Variants in TCF20 observed in about 807,000 individuals in gnomAD.
The protein encoded by TCF20 is SPRE-binding protein.
TCF20 carries 3 observed loss-of-function variants against 148.6 expected under a neutral mutation model. The observed-to-expected ratio is 0.02, with a 90% CI of 0.01 to 0.05. The LOEUF is 0.05. Among genes scored for constraint, TCF20 ranks in the 10% least tolerant of loss-of-function variants. The probability of loss-of-function intolerance (pLI) is 1.00; values close to 1 mark genes in which losing one functional copy is unlikely to be tolerated. For synonymous variants in TCF20, 1,049 were observed against 909.5 expected (o/e 1.15, Z -2.76); for missense variants, 2,350 against 2,429.3 (o/e 0.97, Z 0.69).
intron 1 of TCF20, among the ~76,000 whole-genome samples, chr22:42,295,203 A>G (rs563184237): frequency 1.2e-4 from 19 of 152,308 alleles, no homozygotes; most frequent in Non-Finnish European, 2.6e-4. Context: ...GAGAGAAGAC[A>G]GTAACATTTG....
At chr22:42,276,419 G>A (rs1926780493) in intron 1 of TCF20, 1 of 152,198 alleles carries the variant, frequency 6.6e-6, no homozygotes, top group Admixed American at 6.5e-5. Flanking sequence ...GCTAAGTGGT[G>A]GTGCTGGGAT....
chr22:42,324,986 C>A (rs887124503), intron 1 of TCF20, among the ~76,000 whole-genome samples: 2 of 152,234 alleles, frequency 1.3e-5, no homozygotes, highest in Non-Finnish European at 2.9e-5. Context: ...TCCCCTTGGC[C>A]CTAGCCTGGT....
rs1385429110 is a variant in TCF20, at chr22:42,270,636, C to T, written c.-334G>A. Among the ~76,000 whole-genome samples the T allele has an allele frequency of 6.9e-6, 1 of 144,440 alleles. No homozygotes were observed. The highest frequency in any genetic ancestry group is 1.5e-5 in the Non-Finnish European group (1 of 65,242). The allele number at this position is 144,440 out of a possible 152,430, so 94.8% of individuals were successfully genotyped here. A position where few individuals can be genotyped will look rare whatever the true frequency, so the allele number is the denominator to read the frequency against. On this transcript the variant is annotated 5_prime_UTR_variant, in exon 1 of 6. Transcript: ENST00000677622. ...TCGGGGTTTTTTCTCTCCATTCTCCCAACACACAGGAAATAACAGAGCGTC... is the reference window on the plus strand; with the variant it reads ...TCGGGGTTTTTTCTCTCCATTCTCCTAACACACAGGAAATAACAGAGCGTC...
At chr22:42,334,232 T>A (rs1253486811) in intron 1 of TCF20, among the ~76,000 whole-genome samples, 1 of 152,106 alleles carries the variant, frequency 6.6e-6, no homozygotes, top group Non-Finnish European at 1.5e-5. Flanking sequence ...CCCTTTAATA[T>A]CATTTTCTCA....
intron 1 of TCF20, among the ~76,000 whole-genome samples, chr22:42,242,218 A>AAAAACAAAAC (rs1924484952): frequency 7.0e-6 from 1 of 142,586 alleles, no homozygotes; most frequent in African/African-American, 2.8e-5. Flanking sequence ...AAAAAAAAAA[A>AAAAACAAAAC]AAAAAAAAAC....
intron 1 of TCF20, among the ~76,000 whole-genome samples, chr22:42,322,768 G>A (rs112522567): frequency 1.4e-5 from 2 of 143,886 alleles, no homozygotes; most frequent in African/African-American, 2.9e-5. Context: ...GTGTCTGAGT[G>A]AATGAATGAG....
rs1936499250 is a variant in TCF20 at position 42,177,117 on chromosome 22, T to C, written c.5749+2492A>G. 2.0e-5 allele frequency among the ~76,000 whole-genome samples: 3 copies of C among 152,136 alleles called. No individual in the cohort carries two copies. In the South Asian group the frequency reaches 6.2e-4, roughly 32 times the overall value. ...CCCCATATCTACAATTACTGTCCAT[T>C]AAAAAAAGTAAAAAACGCTGGGCGC... is the stretch of plus-strand genomic sequence containing the variant. On this transcript the variant is annotated intron_variant, in intron 3 of 5. Coordinates refer to ENST00000677622, the MANE Select transcript of TCF20 (RefSeq NM_001378418.1).
intron 1 of TCF20, among the ~76,000 whole-genome samples, chr22:42,230,055 C>T (rs952521075): frequency 1.3e-5 from 2 of 152,206 alleles, no homozygotes; most frequent in Non-Finnish European, 2.9e-5. Context: ...AATTCACCCC[C>T]TATTTTAAAA....
chr22:42,212,258 C>A lies in TCF20; in HGVS notation c.3048G>T (p.Leu1016Phe), dbSNP rs768441015. 2 of 1,614,178 alleles carry A rather than the reference C, an allele frequency of 1.2e-6. No individual in the cohort carries two copies. Among genetic ancestry groups the A allele is most frequent in the South Asian group, 1.1e-5 (1 of 91,084 alleles). ...PSQYHDFAEKLKMSPGRSRGP... is the reference protein window; with the variant it reads ...PSQYHDFAEKFKMSPGRSRGP... ...CTCTGCTCCGCCCAGGAGACATTTT[C>A]AATTTTTCTGCAAAGTCATGATATT... is the stretch of plus-strand genomic sequence containing the variant. Residue 1016 changes from leucine (L) to phenylalanine (F), a missense_variant, in exon 2 of 6, where the codon TTG (leucine) becomes TTT (phenylalanine). Coordinates refer to ENST00000677622, the MANE Select transcript of TCF20 (RefSeq NM_001378418.1).
intron 1 of TCF20, among the ~76,000 whole-genome samples, chr22:42,265,585 T>G (rs566568072): frequency 6.6e-6 from 1 of 152,228 alleles, no homozygotes; most frequent in African/African-American, 2.4e-5. Flanking sequence ...TTGCTTTATC[T>G]TGTTACTTTT....
In TCF20 at chr22:42,214,138, T is replaced by C. The variant is rs780846359; in HGVS notation, c.1168A>G (p.Met390Val). ...CACTGGAGATTCTCCCCAGTCTGCA[T>C]GAGAGGAGATGGGGTAGAACTACAG... ...PSCSSTPSPL[M>V]QTGENLQCGQ... Residue 390 changes from methionine (M) to valine (V), a missense_variant, in exon 2 of 6, where the codon ATG becomes GTG. By Grantham distance (21) the Met-to-Val change is conservative. Coordinates refer to ENST00000677622, the MANE Select transcript of TCF20 (RefSeq NM_001378418.1). 1.5e-5 allele frequency: 24 copies of C among 1,613,998 alleles called. No homozygotes were observed. Among genetic ancestry groups the C allele is most frequent in the Non-Finnish European group, 1.9e-5 (23 of 1,179,996 alleles).
At chr22:42,294,820 C>T (rs149507342) in intron 1 of TCF20, among the ~76,000 whole-genome samples, 8 of 152,318 alleles carry the variant, frequency 5.3e-5, no homozygotes, top group Admixed American at 3.3e-4. Flanking sequence ...CAGGTGCAGG[C>T]GGAGTGCCTG....
rs6002660 is a variant in TCF20, at chr22:42,252,448, A to T, written c.-37+17891T>A. Among the ~76,000 whole-genome samples, 67 of 152,098 alleles carry T rather than the reference A, an allele frequency of 4.4e-4. 1 individual carries two copies. The highest frequency in any genetic ancestry group is 1.6e-3 in the African/African-American group (67 of 41,516). On this transcript the variant is annotated intron_variant, in intron 1 of 5. Coordinates refer to ENST00000677622, the MANE Select transcript of TCF20 (RefSeq NM_001378418.1). ...TCTTAAAAATCACCTTTATCCACAC[A>T]CAAGACAGTTTTAAAAGCTTTGGAG... is the stretch of plus-strand genomic sequence containing the variant.
At chr22:42,256,300 T>G (rs909390225) in intron 1 of TCF20, among the ~76,000 whole-genome samples, 1 of 152,192 alleles carries the variant, frequency 6.6e-6, no homozygotes, top group Non-Finnish European at 1.5e-5. Flanking sequence ...TATTTGATTT[T>G]TGTGTGTGTG....
chr22:42,169,188 G>A (rs1450565932), intron 4 of TCF20, among the ~76,000 whole-genome samples: 1 of 151,648 alleles, frequency 6.6e-6, no homozygotes, highest in Non-Finnish European at 1.5e-5. Context: ...AACATCAGGT[G>A]GCAGTGGTCT....
At chr22:42,332,210 G>A (rs975859436) in intron 1 of TCF20, among the ~76,000 whole-genome samples, 2 of 152,228 alleles carry the variant, frequency 1.3e-5, no homozygotes, top group African/African-American at 4.8e-5. Flanking sequence ...TGGCAGAGGA[G>A]GTGATACTCC....
chr22:42,322,432 G>A (rs1175399139), intron 1 of TCF20, among the ~76,000 whole-genome samples: 1 of 151,854 alleles, frequency 6.6e-6, no homozygotes, highest in Non-Finnish European at 1.5e-5. Context: ...GCCACAGACA[G>A]GGCCCTTCCT....
At position 42,290,924 on chromosome 22, in the gene TCF20, G is replaced by A. The variant is rs1474597916; in HGVS notation, c.-37+52555C>T. ...AAGCACCCCCTCTTACCTTACCTCG[G>A]TACAACCTCAGTACAACCATGAGAG... On this transcript the variant is annotated intron_variant, in intron 1 of 1. Transcript: ENST00000515426. This position sits in a 1 kb window ranked among gnomAD's most constrained non-coding sequence, Gnocchi z 4.2. Among the ~76,000 whole-genome samples, 2 of 152,144 alleles carry A rather than the reference G, an allele frequency of 1.3e-5. No individual in the cohort carries two copies.
intron 1 of TCF20, among the ~76,000 whole-genome samples, chr22:42,248,096 G>A (rs114245595): frequency 1.3e-3 from 202 of 152,272 alleles, no homozygotes; most frequent in African/African-American, 4.7e-3. Context: ...TACATTTTGT[G>A]AAGGAAACAG....
Sources: allele counts gnomAD v4.1 joint callset (sites outside exome capture counted in the v4.1 genomes callset), GRCh38; gene constraint gnomAD v4.1.1; non-coding constraint Gnocchi (gnomAD v3.1); transcripts MANE v1.5; gene names NCBI Gene and HGNC (gene_info 2026-07-23, HGNC 2026-07-21).